ADAMTS18: variants seen among roughly 807,000 people sequenced by gnomAD.
ADAMTS18 encodes the protein ADAM metallopeptidase with thrombospondin type 1 motif 18, also known as A disintegrin and metalloproteinase with thrombospondin motifs 18.
In ADAMTS18, 157 loss-of-function variants were observed where a neutral mutation model predicts 165.9. The observed-to-expected ratio is 0.95, with a 90% confidence interval of 0.83 to 1.08. The LOEUF (loss-of-function observed/expected upper bound fraction) is 1.08. Ranked by LOEUF, ADAMTS18 falls within the 50% of genes least tolerant of loss-of-function variation. The pLI, the probability that ADAMTS18 is intolerant of heterozygous loss-of-function variation, is 0.00. For synonymous variants in ADAMTS18, 782 were observed against 578.2 expected (o/e 1.35, Z -5.06); for missense variants, 2,040 against 1,534.0 (o/e 1.33, Z -5.51).
At chr16:77,395,759 A>C (rs2057248732) in intron 3 of ADAMTS18, among the ~76,000 whole-genome samples, 9 of 152,202 alleles carry the variant, frequency 5.9e-5, no homozygotes, top group Admixed American at 5.9e-4. Context: ...AAAAAATAGT[A>C]ATAATGAAAG....
intron 11 of ADAMTS18, 80 bp from the exon 12 acceptor site, chr16:77,335,984 A>G (rs1361780528): frequency 1.3e-6 from 2 of 1,523,614 alleles, no homozygotes; most frequent in Non-Finnish European, 1.8e-6. Flanking sequence ...CTGCACAGTA[A>G]CAGGAAAAAC....
chr16:77,354,619 T>C (rs964423628), intron 9 of ADAMTS18, among the ~76,000 whole-genome samples: 2 of 151,198 alleles, frequency 1.3e-5, no homozygotes, highest in East Asian at 2.0e-4. Context: ...CAGATGGGGG[T>C]CCTAATCAAC....
chr16:77,365,904 G>A (rs537433503), intron 4 of ADAMTS18, among the ~76,000 whole-genome samples: 1 of 152,240 alleles, frequency 6.6e-6, no homozygotes, highest in East Asian at 1.9e-4. Flanking sequence ...TATGAAAACA[G>A]GTGACACTTG....
At chr16:77,314,543 C>A (rs1325031864) in intron 16 of ADAMTS18, among the ~76,000 whole-genome samples, 2 of 147,536 alleles carry the variant, frequency 1.4e-5, no homozygotes, top group African/African-American at 2.5e-5. Context: ...ACCCAGTAGG[C>A]GGAGGTTGCA....
chr16:77,370,038 T>C (rs909987423), intron 3 of ADAMTS18, among the ~76,000 whole-genome samples: 1 of 152,188 alleles, frequency 6.6e-6, no homozygotes, highest in African/African-American at 2.4e-5. Context: ...CATCTCTTCA[T>C]GATAAAAACT....
intron 3 of ADAMTS18, among the ~76,000 whole-genome samples, chr16:77,379,941 C>G (rs2057008208): frequency 6.6e-6 from 1 of 152,192 alleles, no homozygotes; most frequent in African/African-American, 2.4e-5. Flanking sequence ...TCCAAGTAAT[C>G]CTGATCTCCA....
chr16:77,338,953 C>CA lies in ADAMTS18; in HGVS notation c.1710+2750dup, dbSNP rs58380516. Among the ~76,000 whole-genome samples, 342 of 113,494 alleles carry CA rather than the reference C, an allele frequency of 3.0e-3. 3 individuals are homozygous for CA. Among genetic ancestry groups the CA allele is most frequent in the Middle Eastern group, 5.4e-3 (1 of 186 alleles). The allele number at this position is 113,494 out of a possible 152,430, so 74.5% of individuals were successfully genotyped here. On this transcript the variant is annotated intron_variant, in intron 11 of 22. Coordinates refer to ENST00000282849, the MANE Select transcript of ADAMTS18 (RefSeq NM_199355.4). ...TGGGCGACAGAGCAAGACTCCATCT[C>CA]AAAAAAAAAAAAAAAAAAGTAAGTG...
rs1445373051 is a variant in ADAMTS18, at chr16:77,282,239, C to T, written c.*1717G>A. ...CATGGTTTTATTCAACATTTTATCTCAAAATATTACTTAGAGAAGCAAGTG... is the reference window on the plus strand; with the variant it reads ...CATGGTTTTATTCAACATTTTATCTTAAAATATTACTTAGAGAAGCAAGTG... On this transcript the variant is annotated 3_prime_UTR_variant, in exon 23 of 23. Coordinates refer to ENST00000282849, the MANE Select transcript of ADAMTS18 (RefSeq NM_199355.4). 3 of 151,912 alleles carry T rather than the reference C, an allele frequency of 2.0e-5. No homozygotes were observed. Among genetic ancestry groups the T allele is most frequent in the Non-Finnish European group, 4.4e-5 (3 of 68,004 alleles). The allele number at this position is 151,912 out of a possible 1,614,324, so 9.4% of individuals were successfully genotyped here.
intron 21 of ADAMTS18, 80 bp from the exon 22 acceptor site, chr16:77,289,491 C>G (rs1019928223): frequency 2.6e-6 from 4 of 1,534,468 alleles, no homozygotes; most frequent in Non-Finnish European, 3.6e-6. Context: ...TCCCATGCTT[C>G]ATGACATTAA....
intron 3 of ADAMTS18, among the ~76,000 whole-genome samples, chr16:77,398,593 C>G (rs2144804738): frequency 6.6e-6 from 1 of 152,290 alleles, no homozygotes; most frequent in African/African-American, 2.4e-5. Flanking sequence ...GTTTCTCAGT[C>G]TCTGCACTGT....
In ADAMTS18 at chr16:77,356,043, A is replaced by G. The variant is rs1409263610; in HGVS notation, c.1357T>C (p.Cys453Arg). The change falls in exon 9 of 23, where the codon TGC (cysteine) becomes CGC (arginine). Residue 453 changes from cysteine (C) to arginine (R), a missense_variant. Cys to Arg is a radical substitution (Grantham distance 180). Transcript: ENST00000282849. Reference sequence around the variant, plus strand: ...ATGATATTGCCTTCAGCCTTTCTGCAGGGATTCCCTTCTCCATCGTGAATC... The same window carrying G: ...ATGATATTGCCTTCAGCCTTTCTGCGGGGATTCCCTTCTCCATCGTGAATC... ...GMIHDGEGNP[C>R]RKAEGNIMSP... The G allele has an allele frequency of 1.2e-6, 2 of 1,613,986 alleles. No homozygotes were observed. Among genetic ancestry groups the G allele is most frequent in the Non-Finnish European group, 1.7e-6 (2 of 1,179,988 alleles).
intron 16 of ADAMTS18, among the ~76,000 whole-genome samples, chr16:77,313,554 C>G (rs2144621957): frequency 6.6e-6 from 1 of 150,556 alleles, no homozygotes; most frequent in East Asian, 1.9e-4. Flanking sequence ...GTGTTTATGA[C>G]CAAAACTGGA....
At chr16:77,394,762 A>C (rs2057235101) in intron 3 of ADAMTS18, among the ~76,000 whole-genome samples, 1 of 152,202 alleles carries the variant, frequency 6.6e-6, no homozygotes, top group Non-Finnish European at 1.5e-5. Flanking sequence ...CAACCCGATA[A>C]TAAACTATAA....
At chr16:77,409,094 G>A (rs1207819635) in intron 3 of ADAMTS18, among the ~76,000 whole-genome samples, 2 of 152,032 alleles carry the variant, frequency 1.3e-5, no homozygotes, top group Non-Finnish European at 2.9e-5. Context: ...TTAATATTGG[G>A]TGCAGTACCA....
chr16:77,305,040 GA>G (rs2055656750), intron 16 of ADAMTS18, among the ~76,000 whole-genome samples: 1 of 152,168 alleles, frequency 6.6e-6, no homozygotes, highest in Non-Finnish European at 1.5e-5. Context: ...CAAACCAGCA[GA>G]AAGCTGATGT....
Position 77,285,686 on chromosome 16 carries a change from C to G in ADAMTS18, c.3551-1615G>C, listed in dbSNP as rs550107894. On this transcript the variant is annotated intron_variant, in intron 22 of 22. Coordinates refer to ENST00000282849, the MANE Select transcript of ADAMTS18 (RefSeq NM_199355.4). Reference sequence around the variant, plus strand: ...TAAGTGCTTTTTTTGATTATAATTACTAACAGCTGGTTGTTTGAGCTTCTA... The same window carrying G: ...TAAGTGCTTTTTTTGATTATAATTAGTAACAGCTGGTTGTTTGAGCTTCTA... Among the ~76,000 whole-genome samples the G allele has an allele frequency of 1.1e-4, 16 of 152,244 alleles. No individual in the cohort carries two copies. The South Asian group carries it at 1.5e-3, about 14-fold the overall frequency.
At chr16:77,302,160 C>A (rs1300501701) in intron 16 of ADAMTS18, among the ~76,000 whole-genome samples, 1 of 152,044 alleles carries the variant, frequency 6.6e-6, no homozygotes, top group East Asian at 1.9e-4. Context: ...TGCTTTCCTG[C>A]AGTGTTTCTG....
At chr16:77,299,205 G>C (rs1228649499) in intron 17 of ADAMTS18, among the ~76,000 whole-genome samples, 1 of 152,196 alleles carries the variant, frequency 6.6e-6, no homozygotes, top group Non-Finnish European at 1.5e-5. Flanking sequence ...ATGTGAGTCT[G>C]TCAAACACAT....
At chr16:77,341,572 T>A in intron 11 of ADAMTS18, 132 bp downstream of exon 11, 1 of 759,778 alleles carries the variant, frequency 1.3e-6, no homozygotes, top group East Asian at 2.7e-5. Flanking sequence ...TGCTATATAA[T>A]GTTGTTAATA....
Sources: gnomAD v4.1 joint callset for allele counts (sites outside exome capture counted in the v4.1 genomes callset) on GRCh38, gnomAD v4.1.1 for gene constraint, MANE v1.5 for transcripts, NCBI Gene and HGNC (gene_info 2026-07-23, HGNC 2026-07-21) for gene names.